Variants in STXBP6 observed in about 807,000 individuals in gnomAD.
STXBP6 encodes the protein syntaxin-binding protein 6.
Under a neutral mutation model 26.9 loss-of-function variants are expected in STXBP6, and 21 were observed. The observed-to-expected ratio is 0.78, with a 90% CI of 0.55 to 1.12. STXBP6 has a LOEUF of 1.12. Among genes scored for constraint, STXBP6 ranks in the 50% most tolerant of loss-of-function variants. The pLI is 0.00. For synonymous variants in STXBP6, 97 were observed against 92.6 expected (o/e 1.05, Z -0.27); for missense variants, 232 against 257.9 (o/e 0.90, Z 0.69).
chr14:24,872,489 T>C (rs769165098), intron 2 of STXBP6, among the ~76,000 whole-genome samples: 1 of 152,120 alleles, frequency 6.6e-6, no homozygotes, highest in Non-Finnish European at 1.5e-5. Flanking sequence ...ACATAGGCCA[T>C]CACAAAACCC....
At position 25,049,609 on chromosome 14, in the gene STXBP6, G is replaced by T; in HGVS notation, c.-33+269C>A. On this transcript the variant is annotated intron_variant, in intron 1 of 5. Transcript: ENST00000323944. This position sits in a 1 kb window ranked among gnomAD's most constrained non-coding sequence, Gnocchi z 5.6. ...TCCGTTCTGCGGCTTGCCCAATACT[G>T]CCCGCACAACGGGTCCCAGGGTTGG... The T allele has an allele frequency of 3.0e-6, 3 of 985,420 alleles. No individual in the cohort carries two copies. The highest frequency in any genetic ancestry group is 3.6e-6 in the Non-Finnish European group (3 of 829,942). The allele number at this position is 985,420 out of a possible 1,614,324, so 61.0% of individuals were successfully genotyped here.
At chr14:24,935,826 T>G (rs930792686) in intron 2 of STXBP6, among the ~76,000 whole-genome samples, 2 of 152,234 alleles carry the variant, frequency 1.3e-5, no homozygotes, top group African/African-American at 2.4e-5. Flanking sequence ...GATGTAGCAC[T>G]GCTCTTGGAA....
At position 24,961,309 on chromosome 14, in the gene STXBP6, T is replaced by C. The variant is rs558786031; in HGVS notation, c.154+13356A>G. 6.0e-4 allele frequency among the ~76,000 whole-genome samples: 92 copies of C among 152,086 alleles called. 1 individual carries two copies. Among genetic ancestry groups the C allele is most frequent in the African/African-American group, 2.1e-3 (88 of 41,506 alleles). On this transcript the variant is annotated intron_variant, in intron 2 of 5. Coordinates refer to ENST00000323944, the MANE Select transcript of STXBP6 (RefSeq NM_001394410.1). ...GGGAGAGGAACAGAAAAAATAACTA[T>C]TGGGTAATAGGCTTAGTACCTAGGT...
At chr14:24,896,190 A>T (rs1370396492) in intron 2 of STXBP6, among the ~76,000 whole-genome samples, 3 of 152,096 alleles carry the variant, frequency 2.0e-5, no homozygotes, top group Non-Finnish European at 4.4e-5. Context: ...TGGTCCCAGG[A>T]TGTGTGTTCA....
At chr14:24,885,487 G>A (rs1002235112) in intron 2 of STXBP6, among the ~76,000 whole-genome samples, 14 of 152,326 alleles carry the variant, frequency 9.2e-5, no homozygotes, top group Admixed American at 7.2e-4. Flanking sequence ...AGGCCTTAAA[G>A]CCCATTACAC....
chr14:25,014,768 C>T (rs2075110018), intron 1 of STXBP6, among the ~76,000 whole-genome samples: 1 of 152,192 alleles, frequency 6.6e-6, no homozygotes, highest in Non-Finnish European at 1.5e-5. Flanking sequence ...GTATGATAAC[C>T]AAGAAAGATA....
intron 1 of STXBP6, among the ~76,000 whole-genome samples, chr14:24,999,964 T>G (rs539498091): frequency 6.6e-6 from 1 of 152,328 alleles, no homozygotes; most frequent in Non-Finnish European, 1.5e-5. Context: ...TAGGTTGTTT[T>G]GGTTACAAAT....
chr14:24,825,895 A>G (rs2068265912), intron 4 of STXBP6, among the ~76,000 whole-genome samples: 1 of 152,238 alleles, frequency 6.6e-6, no homozygotes. Flanking sequence ...GTTACAGGGT[A>G]TCAGGAGAAT....
intron 2 of STXBP6, among the ~76,000 whole-genome samples, chr14:24,902,301 A>G (rs1416815888): frequency 6.6e-6 from 1 of 152,164 alleles, no homozygotes; most frequent in African/African-American, 2.4e-5. Context: ...CCTGAACTAA[A>G]TTAAAATGCT....
At chr14:24,888,139 G>A (rs956258403) in intron 2 of STXBP6, among the ~76,000 whole-genome samples, 2 of 152,148 alleles carry the variant, frequency 1.3e-5, no homozygotes, top group Non-Finnish European at 2.9e-5. Flanking sequence ...GCCTTTACTT[G>A]TGGTTTCTCT....
At chr14:24,813,188 A>G (rs2067873231) in intron 5 of STXBP6, among the ~76,000 whole-genome samples, 1 of 152,180 alleles carries the variant, frequency 6.6e-6, no homozygotes, top group Non-Finnish European at 1.5e-5. Context: ...CATCTATTTA[A>G]TATGCAGCCT....
intron 2 of STXBP6, among the ~76,000 whole-genome samples, chr14:24,968,531 A>G (rs2073806417): frequency 6.6e-6 from 1 of 152,204 alleles, no homozygotes; most frequent in Non-Finnish European, 1.5e-5. Flanking sequence ...TGGTTACCCT[A>G]ATTCCAGTAA....
chr14:25,002,976 C>T (rs2074801104), intron 1 of STXBP6, among the ~76,000 whole-genome samples: 1 of 152,156 alleles, frequency 6.6e-6, no homozygotes, highest in Admixed American at 6.5e-5. Flanking sequence ...ATCCACCCGC[C>T]TCGGCCTCTC....
At chr14:24,904,233 T>C (rs2071310652) in intron 2 of STXBP6, among the ~76,000 whole-genome samples, 1 of 152,120 alleles carries the variant, frequency 6.6e-6, no homozygotes, top group Non-Finnish European at 1.5e-5. Context: ...CCCAAAGTCA[T>C]TTTACAGATT....
intron 2 of STXBP6, among the ~76,000 whole-genome samples, chr14:24,969,831 C>G (rs2073848457): frequency 6.6e-6 from 1 of 152,202 alleles, no homozygotes. Context: ...AAAAAGGCCA[C>G]TGGAATAACC....
rs1199036666 is a variant in STXBP6, at chr14:24,855,975, T to G, written c.412A>C (p.Lys138Gln). The change falls in exon 4 of 6, where the codon AAG becomes CAG. Residue 138 changes from lysine to glutamine, a missense_variant. Physicochemically the swap from Lys to Gln is moderately conservative, Grantham distance 53. Transcript: ENST00000323944. ...GATTGGCAGTTAATAAACTCTGGCT[T>G]CCTGTCCGTGAGGTACCTCTGGCAG... is the stretch of plus-strand genomic sequence containing the variant. ...HTCQRYLTDR[K>Q]PEFINCQSKI... 5 of 1,607,496 alleles carry G rather than the reference T, an allele frequency of 3.1e-6. No homozygotes were observed. Among genetic ancestry groups the G allele is most frequent in the Middle Eastern group, 1.7e-4 (1 of 6,024 alleles).
chr14:24,951,887 T>C (rs2073181096), intron 2 of STXBP6, among the ~76,000 whole-genome samples: 1 of 152,030 alleles, frequency 6.6e-6, no homozygotes, highest in Non-Finnish European at 1.5e-5. Flanking sequence ...TATACTTTCT[T>C]TGAATTTACA....
intron 4 of STXBP6, among the ~76,000 whole-genome samples, chr14:24,852,838 T>C (rs1692159703): frequency 6.6e-6 from 1 of 152,112 alleles, no homozygotes; most frequent in South Asian, 2.1e-4. Flanking sequence ...ACAATGTCAA[T>C]GGTGTTTCCT....
chr14:24,972,376 A>G (rs1175424522), intron 2 of STXBP6, among the ~76,000 whole-genome samples: 1 of 152,232 alleles, frequency 6.6e-6, no homozygotes, highest in Non-Finnish European at 1.5e-5. Flanking sequence ...TGAGGCTGTT[A>G]GAGTCCCTAT....
Sources: gnomAD v4.1 joint callset for allele counts (sites outside exome capture counted in the v4.1 genomes callset) on GRCh38, gnomAD v4.1.1 for gene constraint, Gnocchi (gnomAD v3.1) non-coding constraint, MANE v1.5 for transcripts, NCBI Gene and HGNC (gene_info 2026-07-23, HGNC 2026-07-21) for gene names.